Variants in KCTD1 observed in about 807,000 individuals in gnomAD.
KCTD1 encodes BTB/POZ domain-containing protein KCTD1.
In KCTD1, 24 loss-of-function variants were observed where a neutral mutation model predicts 66.0. The ratio of observed to expected loss-of-function variants is 0.36; its 90% CI spans 0.26 to 0.51. The LOEUF (loss-of-function observed/expected upper bound fraction) is 0.51. Among genes scored for constraint, KCTD1 ranks in the 20% least tolerant of loss-of-function variants. The probability of loss-of-function intolerance (pLI) is 0.95; values close to 1 mark genes in which losing one functional copy is unlikely to be tolerated. For synonymous variants in KCTD1, 511 were observed against 517.2 expected, an observed-to-expected ratio of 0.99 and a Z score of 0.16; for missense variants, 943 against 1,205.2, an observed-to-expected ratio of 0.78 and a Z score of 3.22.
chr18:26,487,165 G>C (rs1268172219), intron 2 of KCTD1, among the ~76,000 whole-genome samples: 2 of 152,256 alleles, frequency 1.3e-5, no homozygotes, highest in Admixed American at 6.5e-5. Flanking sequence ...AGTATTGAAA[G>C]GTGGTTGGAT....
intron 1 of KCTD1, among the ~76,000 whole-genome samples, chr18:26,569,126 C>A (rs1202391731): frequency 1.3e-5 from 2 of 152,118 alleles, no homozygotes; most frequent in African/African-American, 2.4e-5. Context: ...TTACAAAGCA[C>A]TTTTACGTGT....
At chr18:26,543,462 A>G (rs1414223119) in intron 1 of KCTD1, 1 of 152,258 alleles carries the variant, frequency 6.6e-6, no homozygotes, top group Non-Finnish European at 1.5e-5. Context: ...GCCTTTCACT[A>G]TTAAGTAGAT....
chr18:26,517,566 A>T (rs1983713046), intron 1 of KCTD1, among the ~76,000 whole-genome samples: 1 of 148,950 alleles, frequency 6.7e-6, no homozygotes, highest in Non-Finnish European at 1.5e-5. Flanking sequence ...CTGAGGCAGG[A>T]GAACTGCTTG....
At chr18:26,587,986 C>G (rs1986508051) in intron 1 of KCTD1, among the ~76,000 whole-genome samples, 1 of 152,208 alleles carries the variant, frequency 6.6e-6, no homozygotes, top group South Asian at 2.1e-4. Flanking sequence ...AGTGACAAAG[C>G]AGCAGCAGGG....
intron 1 of KCTD1, among the ~76,000 whole-genome samples, chr18:26,525,136 T>G (rs143294276): frequency 1.3e-5 from 2 of 152,268 alleles, no homozygotes; most frequent in Non-Finnish European, 2.9e-5. Context: ...TTTAAAAATC[T>G]TGGTTTCTTT....
At chr18:26,491,471 G>A (rs1459782762) in intron 2 of KCTD1, among the ~76,000 whole-genome samples, 3 of 152,210 alleles carry the variant, frequency 2.0e-5, no homozygotes, top group African/African-American at 4.8e-5. Flanking sequence ...CCTGGCTGCA[G>A]GCAGGCTTGC....
intron 1 of KCTD1, among the ~76,000 whole-genome samples, chr18:26,567,795 CT>C (rs1331961075): frequency 6.6e-6 from 1 of 152,074 alleles, no homozygotes; most frequent in Non-Finnish European, 1.5e-5. Flanking sequence ...CCAAGTGCTT[CT>C]TTGAAACCAT....
At chr18:26,589,014 A>AATCAG (rs1266511903) in intron 1 of KCTD1, among the ~76,000 whole-genome samples, 1 of 151,908 alleles carries the variant, frequency 6.6e-6, no homozygotes, top group Non-Finnish European at 1.5e-5. Flanking sequence ...AACTGCAAAC[A>AATCAG]ATCAGCAGAG....
chr18:26,527,946 G>A (rs1381778103), intron 1 of KCTD1, among the ~76,000 whole-genome samples: 1 of 152,132 alleles, frequency 6.6e-6, no homozygotes, highest in East Asian at 1.9e-4. Flanking sequence ...AGTCTACTCA[G>A]GCCCAACTCA....
chr18:26,614,672 G>A (rs527254141), intron 1 of KCTD1, among the ~76,000 whole-genome samples: 52 of 152,224 alleles, frequency 3.4e-4, no homozygotes, highest in African/African-American at 1.2e-3. Flanking sequence ...TGGAATGTTT[G>A]GCATTTGGAA....
chr18:26,502,911 C>T (rs961773993), intron 1 of KCTD1, among the ~76,000 whole-genome samples: 1 of 152,158 alleles, frequency 6.6e-6, no homozygotes. Context: ...TGCAAAACAT[C>T]ATAGATTTTA....
chr18:26,456,134 A>G (rs1980075992), intron 4 of KCTD1: 2 of 473,746 alleles, frequency 4.2e-6, no homozygotes, highest in African/African-American at 1.9e-5. Flanking sequence ...ACCAGCTACA[A>G]CACTCGATGG....
At position 26,454,968 on chromosome 18, in the gene KCTD1, C is replaced by G. The variant is rs891593118; in HGVS notation, c.*775G>C. On this transcript the variant is annotated 3_prime_UTR_variant, in exon 5 of 5. Transcript: ENST00000580059. ...CTCACCCCCACATGTGTGTTTCACA[C>G]AGACCTTATTTTTTAAACAGAGTTT... 3.9e-5 allele frequency: 6 copies of G among 152,660 alleles called. No homozygotes were observed. The highest frequency in any genetic ancestry group is 2.9e-5 in the Non-Finnish European group (2 of 68,048). The allele number at this position is 152,660 out of a possible 1,614,324, so 9.5% of individuals were successfully genotyped here.
intron 1 of KCTD1, among the ~76,000 whole-genome samples, chr18:26,613,896 C>G (rs1270055657): frequency 1.3e-5 from 2 of 152,178 alleles, no homozygotes; most frequent in East Asian, 3.9e-4. Context: ...ATTTACATGG[C>G]TCACCCCCTC....
At chr18:26,542,335 C>T (rs3895766) in intron 1 of KCTD1, among the ~76,000 whole-genome samples, 47,968 of 152,050 alleles carry the variant, frequency 0.32, 7,692 homozygotes, top group South Asian at 0.36. Context: ...TTTAAAAAGG[C>T]AACTTGACTA....
intron 1 of KCTD1, among the ~76,000 whole-genome samples, chr18:26,505,705 C>A (rs1292280849): frequency 6.6e-6 from 1 of 152,128 alleles, no homozygotes; most frequent in Non-Finnish European, 1.5e-5. Context: ...TACAAGTGTG[C>A]ACCACCACAC....
At chr18:26,647,331 A>ACCCCC (rs56004377) in intron 1 of KCTD1, among the ~76,000 whole-genome samples, 30 of 116,514 alleles carry the variant, frequency 2.6e-4, no homozygotes, top group African/African-American at 8.3e-4. Context: ...AGATAGTGAA[A>ACCCCC]CCCCCCCCCC....
intron 1 of KCTD1, among the ~76,000 whole-genome samples, chr18:26,573,445 G>T (rs1986155706): frequency 6.6e-6 from 1 of 152,154 alleles, no homozygotes. Flanking sequence ...AAAAAATCGT[G>T]ATGCTGCCCT....
chr18:26,526,271 A>G (rs971257109), intron 1 of KCTD1, among the ~76,000 whole-genome samples: 125 of 152,272 alleles, frequency 8.2e-4, no homozygotes, highest in African/African-American at 2.9e-3. Context: ...AGGAGGAGGG[A>G]AACCATGCTG....
Sources: gnomAD v4.1 joint callset for allele counts (sites outside exome capture counted in the v4.1 genomes callset) on GRCh38, gnomAD v4.1.1 for gene constraint, MANE v1.5 for transcripts, NCBI Gene and HGNC (gene_info 2026-07-23, HGNC 2026-07-21) for gene names.